EBF1: variants seen among roughly 807,000 people sequenced by gnomAD.
EBF1 encodes EBF transcription factor 1.
A neutral mutation model predicts 68.4 loss-of-function variants in EBF1; 10 were observed. The observed-to-expected ratio is 0.15, with a 90% CI of 0.09 to 0.25. The LOEUF is 0.25. Among genes scored for constraint, EBF1 ranks in the 10% least tolerant of loss-of-function variants. The probability of loss-of-function intolerance (pLI) is 1.00; values close to 1 mark genes in which losing one functional copy is unlikely to be tolerated. For synonymous variants in EBF1, 298 were observed against 299.8 expected (o/e 0.99, Z 0.06); for missense variants, 509 against 794.4 (o/e 0.64, Z 4.32).
At chr5:159,099,225 G>T (rs1451041336) in intron 1 of EBF1, 120 bp downstream of exon 1, 5 of 729,852 alleles carry the variant, frequency 6.9e-6, no homozygotes, top group Non-Finnish European at 9.4e-6. Flanking sequence ...GAGCGCAGCG[G>T]CTGCGGACTC....
intron 6 of EBF1, among the ~76,000 whole-genome samples, chr5:158,877,464 T>C (rs1020256011): frequency 1.3e-5 from 2 of 152,188 alleles, no homozygotes; most frequent in African/African-American, 2.4e-5. Context: ...ATCAACACCA[T>C]GAGTTTGATT....
chr5:159,041,077 T>C (rs1003685120), intron 6 of EBF1, among the ~76,000 whole-genome samples: 1 of 152,178 alleles, frequency 6.6e-6, no homozygotes, highest in African/African-American at 2.4e-5. Flanking sequence ...CTTGGCAGAC[T>C]TACAATCCAC....
intron 11 of EBF1, among the ~76,000 whole-genome samples, chr5:158,729,163 C>T (rs1364892985): frequency 3.9e-5 from 6 of 152,156 alleles, no homozygotes; most frequent in African/African-American, 7.2e-5. Context: ...TAATAAAACT[C>T]GAAAAGGTAC....
intron 6 of EBF1, among the ~76,000 whole-genome samples, chr5:158,949,171 T>G (rs1215168075): frequency 6.6e-6 from 1 of 152,220 alleles, no homozygotes; most frequent in African/African-American, 2.4e-5. Flanking sequence ...TCTATATAAT[T>G]CCCCAACTTA....
chr5:158,925,402 G>A (rs1809477186), intron 6 of EBF1, among the ~76,000 whole-genome samples: 1 of 152,142 alleles, frequency 6.6e-6, no homozygotes, highest in African/African-American at 2.4e-5. Flanking sequence ...TAAATGAATG[G>A]TGCATAACTG....
chr5:158,872,996 A>ATT (rs539493620), intron 6 of EBF1, among the ~76,000 whole-genome samples: 9,256 of 80,972 alleles, frequency 0.11, 1,425 homozygotes, highest in African/African-American at 0.16. Context: ...AATGACACTA[A>ATT]TTTTTTTTTT....
At chr5:159,091,377 T>C (rs1308461324) in intron 4 of EBF1, among the ~76,000 whole-genome samples, 1 of 152,208 alleles carries the variant, frequency 6.6e-6, no homozygotes, top group Non-Finnish European at 1.5e-5. Context: ...GTCCTGATCA[T>C]GCATAAAAAT....
chr5:159,077,282 T>TA (rs935484183), intron 5 of EBF1, among the ~76,000 whole-genome samples: 13 of 152,146 alleles, frequency 8.5e-5, no homozygotes, highest in Admixed American at 8.5e-4. Flanking sequence ...TAAAAATTTT[T>TA]AAAAAAATTA....
At position 159,099,742 on chromosome 5, in the gene EBF1, A is replaced by C; in HGVS notation, c.-264T>G. On this transcript the variant is annotated 5_prime_UTR_variant, in exon 1 of 16. Coordinates refer to ENST00000313708, the MANE Select transcript of EBF1 (RefSeq NM_024007.5). Reference sequence around the variant, plus strand: ...CCAACGAAAAGACCAAAATAATAAAATTAGAGATGTATGCTTGGCTGTTGG... The same window carrying C: ...CCAACGAAAAGACCAAAATAATAAACTTAGAGATGTATGCTTGGCTGTTGG... The C allele has an allele frequency of 1.1e-5, 3 of 265,278 alleles. No individual in the cohort carries two copies. The highest frequency in any genetic ancestry group is 5.5e-5 in the Admixed American group (1 of 18,070). 16.4% of individuals were successfully genotyped at this position (265,278 alleles called of 1,614,324 possible).
chr5:158,725,015 C>T (rs1762712827), intron 11 of EBF1, among the ~76,000 whole-genome samples: 1 of 152,204 alleles, frequency 6.6e-6, no homozygotes, highest in Non-Finnish European at 1.5e-5. Context: ...TTGCTGCCTA[C>T]TTCCATTACT....
Position 158,697,675 on chromosome 5 carries a change from G to T in EBF1, c.*1436C>A. The T allele has an allele frequency of 5.0e-6, 1 of 201,626 alleles. No homozygotes were observed. 12.5% of individuals were successfully genotyped at this position (201,626 alleles called of 1,614,324 possible). A position where few individuals can be genotyped will look rare whatever the true frequency, so the allele number is the denominator to read the frequency against. On this transcript the variant is annotated 3_prime_UTR_variant, in exon 16 of 16. Coordinates refer to ENST00000313708, the MANE Select transcript of EBF1 (RefSeq NM_024007.5). ...GCTTTTTTTCTTTGCAAAATACGCA[G>T]TAAAATCTTTTTGTGATATTGAAAA... is the stretch of plus-strand genomic sequence containing the variant.
At chr5:158,782,534 G>A (rs1226410909) in intron 9 of EBF1, among the ~76,000 whole-genome samples, 2 of 151,914 alleles carry the variant, frequency 1.3e-5, no homozygotes, top group African/African-American at 2.4e-5. Flanking sequence ...GGCAGCATGC[G>A]CCTGTAGTCC....
At chr5:158,846,317 C>T (rs564263794) in intron 6 of EBF1, among the ~76,000 whole-genome samples, 39 of 152,314 alleles carry the variant, frequency 2.6e-4, no homozygotes, top group African/African-American at 9.4e-4. Context: ...TTTCCATAGA[C>T]GGCACCATCA....
chr5:158,717,382 T>C (rs1006701624), intron 11 of EBF1, among the ~76,000 whole-genome samples: 9 of 152,184 alleles, frequency 5.9e-5, no homozygotes, highest in Non-Finnish European at 1.0e-4. Flanking sequence ...TCTAAAATTG[T>C]TCTTAAATTC....
chr5:158,852,858 G>A (rs116435289), intron 6 of EBF1, among the ~76,000 whole-genome samples: 6,142 of 152,118 alleles, frequency 0.04, 187 homozygotes, highest in Non-Finnish European at 0.068. Context: ...TGCCCTCCCC[G>A]CATGTCACTT....
chr5:158,737,266 A>ATTTTTTTTTTTTTTTTTTT (rs61380054), intron 10 of EBF1, among the ~76,000 whole-genome samples: 1 of 55,600 alleles, frequency 1.8e-5, no homozygotes, highest in African/African-American at 8.0e-5. Context: ...ACATGCCCTG[A>ATTTTTTTTTTTTTTTTTTT]TTTTTTTTTT....
intron 7 of EBF1, among the ~76,000 whole-genome samples, chr5:158,836,713 G>A (rs995843445): frequency 1.3e-5 from 2 of 152,180 alleles, no homozygotes; most frequent in East Asian, 1.9e-4. Flanking sequence ...AAAATAAAAT[G>A]TGACAGTGTT....
intron 6 of EBF1, among the ~76,000 whole-genome samples, chr5:159,010,659 A>T (rs919658652): frequency 6.6e-6 from 1 of 152,248 alleles, no homozygotes; most frequent in Non-Finnish European, 1.5e-5. Flanking sequence ...GTCACACTAC[A>T]TTCAAGATGG....
intron 10 of EBF1, among the ~76,000 whole-genome samples, chr5:158,769,667 T>C (rs1030730442): frequency 2.0e-5 from 3 of 152,052 alleles, no homozygotes; most frequent in African/African-American, 7.2e-5. Context: ...TGCCAGCAGA[T>C]TCAGAATCAC....
Sources: gnomAD v4.1 joint callset for allele counts (sites outside exome capture counted in the v4.1 genomes callset) on GRCh38, gnomAD v4.1.1 for gene constraint, MANE v1.5 for transcripts, NCBI Gene and HGNC (gene_info 2026-07-23, HGNC 2026-07-21) for gene names.